GALNT18: variants seen among roughly 807,000 people sequenced by gnomAD.
The protein encoded by GALNT18 is polypeptide N-acetylgalactosaminyltransferase 18, also known as GalNAc-transferase 18.
In GALNT18, 44 loss-of-function variants were observed where a neutral mutation model predicts 69.5. The observed-to-expected ratio is 0.63, with a 90% confidence interval of 0.50 to 0.81. The LOEUF (loss-of-function observed/expected upper bound fraction) is 0.81, where lower values mean the gene tolerates loss of function less well. Among genes scored for constraint, GALNT18 ranks in the 40% least tolerant of loss-of-function variants. The pLI, the probability that GALNT18 is intolerant of heterozygous loss-of-function variation, is 0.00. For synonymous variants in GALNT18, 364 were observed against 318.2 expected (o/e 1.14, Z -1.53); for missense variants, 715 against 810.0 (o/e 0.88, Z 1.42).
Position 11,444,312 on chromosome 11 carries a change from C to T in GALNT18, c.428+4432G>A, listed in dbSNP as rs1209550489. 1.3e-5 allele frequency among the ~76,000 whole-genome samples: 2 copies of T among 152,212 alleles called. No homozygotes were observed. Among genetic ancestry groups the T allele is most frequent in the African/African-American group, 2.4e-5 (1 of 41,452 alleles). ...AGGGACAGTGCTTCTGTGACCATCACATCCAGGCCACTGCCTTACTAAAAG... is the reference window on the plus strand; with the variant it reads ...AGGGACAGTGCTTCTGTGACCATCATATCCAGGCCACTGCCTTACTAAAAG... On this transcript the variant is annotated intron_variant, in intron 2 of 10. Coordinates refer to ENST00000227756, the MANE Select transcript of GALNT18 (RefSeq NM_198516.3). This position sits in a 1 kb window ranked among gnomAD's most constrained non-coding sequence, Gnocchi z 4.4.
intron 1 of GALNT18, among the ~76,000 whole-genome samples, chr11:11,503,117 C>T (rs978579028): frequency 1.3e-5 from 2 of 152,176 alleles, no homozygotes; most frequent in African/African-American, 4.8e-5. Flanking sequence ...TCAAAAGCCA[C>T]CCCTGAGGAA....
At chr11:11,401,027 T>C (rs1273329099) in intron 3 of GALNT18, among the ~76,000 whole-genome samples, 1 of 152,118 alleles carries the variant, frequency 6.6e-6, no homozygotes, top group Non-Finnish European at 1.5e-5. Flanking sequence ...AGTGCTTGGA[T>C]ACGGGACACA....
chr11:11,433,706 G>A (rs1855329835), intron 2 of GALNT18, among the ~76,000 whole-genome samples: 1 of 152,220 alleles, frequency 6.6e-6, no homozygotes, highest in South Asian at 2.1e-4. Context: ...TCTCCTGAGG[G>A]TAGTTCCCTC....
At chr11:11,495,309 T>C (rs545742160) in intron 1 of GALNT18, among the ~76,000 whole-genome samples, 106 of 152,306 alleles carry the variant, frequency 7.0e-4, no homozygotes, top group African/African-American at 2.4e-3. Context: ...CCGAAGGTAC[T>C]TCTCAGAGCC....
Position 11,341,283 on chromosome 11 carries a change from C to A in GALNT18, c.1093-279G>T, listed in dbSNP as rs549256886. ...CCCTCCACCTGTGAGCCCTACCCCA[C>A]CAAAAAAAGAGACCAGACATTTTGT... On this transcript the variant is annotated intron_variant, in intron 6 of 10. Transcript: ENST00000227756. This position sits in a 1 kb window ranked among gnomAD's most constrained non-coding sequence, Gnocchi z 6.3. Among the ~76,000 whole-genome samples the A allele has an allele frequency of 9.9e-5, 15 of 152,206 alleles. No individual in the cohort carries two copies. The highest frequency in any genetic ancestry group is 3.6e-4 in the African/African-American group (15 of 41,522).
Position 11,382,402 on chromosome 11 carries a change from T to C in GALNT18, c.596-3138A>G, listed in dbSNP as rs183655487. Among the ~76,000 whole-genome samples, 1 of 152,322 alleles carries C rather than the reference T, an allele frequency of 6.6e-6. No homozygotes were observed. Among genetic ancestry groups the C allele is most frequent in the East Asian group, 1.9e-4 (1 of 5,184 alleles). ...AAATACTTCTGCGTTGGCTGGAAAA[T>C]TGCTTTCCAAAACACTGTCCATTGT... is the stretch of plus-strand genomic sequence containing the variant. On this transcript the variant is annotated intron_variant, in intron 3 of 10. Coordinates refer to ENST00000227756, the MANE Select transcript of GALNT18 (RefSeq NM_198516.3). This position sits in a 1 kb window ranked among gnomAD's most constrained non-coding sequence, Gnocchi z 4.3.
intron 3 of GALNT18, among the ~76,000 whole-genome samples, chr11:11,425,774 A>T (rs550341251): frequency 8.5e-5 from 13 of 152,326 alleles, no homozygotes; most frequent in African/African-American, 3.1e-4. Context: ...CAAGCCCCCA[A>T]AGTGCTTAGC....
intron 10 of GALNT18, 91 bp downstream of exon 10, chr11:11,292,938 C>G (rs377654983): frequency 1.3e-5 from 15 of 1,195,812 alleles, no homozygotes; most frequent in Admixed American, 1.2e-4. Context: ...CCTTCCCCTT[C>G]CCCTCTCCTC....
rs1364291408 is a variant in GALNT18, at chr11:11,383,953, A to G, written c.596-4689T>C. 6.6e-6 allele frequency among the ~76,000 whole-genome samples: 1 copy of G among 152,072 alleles called. No homozygotes were observed. Among genetic ancestry groups the G allele is most frequent in the Non-Finnish European group, 1.5e-5 (1 of 68,020 alleles). On this transcript the variant is annotated intron_variant, in intron 3 of 10. Transcript: ENST00000227756. This position sits in a 1 kb window ranked among gnomAD's most constrained non-coding sequence, Gnocchi z 5.2. ...GCCTCCGCAGCCATGTGGAACTGTG[A>G]GTCAATTAAACCTCTTTTCTTTATA...
At chr11:11,334,198 G>A (rs1850069110) in intron 7 of GALNT18, among the ~76,000 whole-genome samples, 1 of 152,110 alleles carries the variant, frequency 6.6e-6, no homozygotes, top group Non-Finnish European at 1.5e-5. Flanking sequence ...CATTTATCTG[G>A]ACACAAACAG....
At position 11,459,023 on chromosome 11, in the gene GALNT18, C is replaced by G. The variant is rs899017846; in HGVS notation, c.236-10087G>C. Among the ~76,000 whole-genome samples the G allele has an allele frequency of 2.6e-5, 4 of 152,148 alleles. No homozygotes were observed. The highest frequency in any genetic ancestry group is 2.0e-4 in the Admixed American group (3 of 15,268). Reference sequence around the variant, plus strand: ...GAAGGGGGACTTCGGCACATCATAGCGGTACTCTTCTTATATCCAGCAAAG... The same window carrying G: ...GAAGGGGGACTTCGGCACATCATAGGGGTACTCTTCTTATATCCAGCAAAG... On this transcript the variant is annotated intron_variant, in intron 1 of 10. Coordinates refer to ENST00000227756, the MANE Select transcript of GALNT18 (RefSeq NM_198516.3). The surrounding 1 kb of genome is among the most constrained non-coding windows in gnomAD (Gnocchi z 5.0).
rs1856949989 is a variant in GALNT18 at position 11,500,371 on chromosome 11, C to A, written c.236-51435G>T. On this transcript the variant is annotated intron_variant, in intron 1 of 10. Coordinates refer to ENST00000227756, the MANE Select transcript of GALNT18 (RefSeq NM_198516.3). This position sits in a 1 kb window ranked among gnomAD's most constrained non-coding sequence, Gnocchi z 5.0. ...AGTGGCTTTAGGTACATGTCTGAAC[C>A]TTTCTGAGGCTTCATTTCCTCACAT... 2.6e-5 allele frequency among the ~76,000 whole-genome samples: 4 copies of A among 152,190 alleles called. No homozygotes were observed. In the South Asian group the frequency reaches 8.3e-4, roughly 31 times the overall value.
At chr11:11,473,650 G>C (rs1170478370) in intron 1 of GALNT18, among the ~76,000 whole-genome samples, 1 of 145,826 alleles carries the variant, frequency 6.9e-6, no homozygotes, top group Non-Finnish European at 1.5e-5. Flanking sequence ...TTTTTGCAAA[G>C]CCAAAGTGTG....
In GALNT18 at chr11:11,463,944, T is replaced by C. The variant is rs1359491309; in HGVS notation, c.236-15008A>G. On this transcript the variant is annotated intron_variant, in intron 1 of 10. Coordinates refer to ENST00000227756, the MANE Select transcript of GALNT18 (RefSeq NM_198516.3). The surrounding 1 kb of genome is among the most constrained non-coding windows in gnomAD (Gnocchi z 4.2). ...GGGGGAAAAATTAGTCCTTTCCATC[T>C]GGCAAATTCTTAATTTACCAACCCA... Among the ~76,000 whole-genome samples the C allele has an allele frequency of 6.6e-6, 1 of 152,236 alleles. No homozygotes were observed. Among genetic ancestry groups the C allele is most frequent in the African/African-American group, 2.4e-5 (1 of 41,464 alleles).
intron 1 of GALNT18, among the ~76,000 whole-genome samples, chr11:11,493,407 T>C (rs1422458861): frequency 6.6e-6 from 1 of 152,038 alleles, no homozygotes; most frequent in Non-Finnish European, 1.5e-5. Flanking sequence ...CTCCCATTCA[T>C]GAAAACCTCC....
chr11:11,414,014 G>A (rs760196981), intron 3 of GALNT18, among the ~76,000 whole-genome samples: 9 of 151,916 alleles, frequency 5.9e-5, no homozygotes, highest in East Asian at 1.9e-4. Context: ...CCTTCACCCC[G>A]TCACTCAAGC....
At chr11:11,375,308 T>C (rs1411379746) in intron 5 of GALNT18, among the ~76,000 whole-genome samples, 1 of 152,206 alleles carries the variant, frequency 6.6e-6, no homozygotes, top group East Asian at 1.9e-4. Context: ...TCAACCAAGT[T>C]TTTGATAAAA....
chr11:11,550,128 G>A (rs1227856947), intron 1 of GALNT18, among the ~76,000 whole-genome samples: 1 of 152,216 alleles, frequency 6.6e-6, no homozygotes, highest in Non-Finnish European at 1.5e-5. Flanking sequence ...CATCCAGTAG[G>A]CAAGACACAG....
chr11:11,575,660 G>A (rs1858907856), intron 1 of GALNT18, among the ~76,000 whole-genome samples: 1 of 152,224 alleles, frequency 6.6e-6, no homozygotes, highest in Non-Finnish European at 1.5e-5. Flanking sequence ...AGTTCCATGA[G>A]GATGTAAGCT....
Sources: allele counts gnomAD v4.1 joint callset (sites outside exome capture counted in the v4.1 genomes callset), GRCh38; gene constraint gnomAD v4.1.1; non-coding constraint Gnocchi (gnomAD v3.1); transcripts MANE v1.5; gene names NCBI Gene and HGNC (gene_info 2026-07-23, HGNC 2026-07-21).